Variants in KCNN2 observed in about 807,000 individuals in gnomAD.
KCNN2 encodes the protein potassium calcium-activated channel subfamily N member 2.
In KCNN2, 24 loss-of-function variants were observed where a neutral mutation model predicts 55.5. The observed-to-expected ratio is 0.43, with a 90% CI of 0.31 to 0.61. The LOEUF is 0.61. Among genes scored for constraint, KCNN2 ranks in the 20% least tolerant of loss-of-function variants. KCNN2 has a pLI of 0.08. For missense variants in KCNN2, 754 were observed against 853.6 expected (o/e 0.88, Z 1.45); for synonymous variants, 431 against 336.1 (o/e 1.28, Z -3.09).
chr5:114,243,543 A>T (rs942800167), intron 2 of KCNN2, among the ~76,000 whole-genome samples: 9 of 152,128 alleles, frequency 5.9e-5, no homozygotes, highest in African/African-American at 2.2e-4. Flanking sequence ...CAGTTATCAG[A>T]TTAACTGTCA....
intron 3 of KCNN2, among the ~76,000 whole-genome samples, chr5:114,437,261 T>C (rs1760040868): frequency 6.6e-6 from 1 of 151,862 alleles, no homozygotes; most frequent in African/African-American, 2.4e-5. Context: ...CCCAGAACAA[T>C]GGAACAGCAG....
chr5:114,166,092 G>C (rs113860551), intron 1 of KCNN2, among the ~76,000 whole-genome samples: 1 of 151,774 alleles, frequency 6.6e-6, no homozygotes, highest in Non-Finnish European at 1.5e-5. Context: ...GGGTTTCACC[G>C]TGTTAGTTAG....
At chr5:114,265,241 A>T (rs1441911148) in intron 2 of KCNN2, among the ~76,000 whole-genome samples, 3 of 151,984 alleles carry the variant, frequency 2.0e-5, no homozygotes, top group East Asian at 1.9e-4. Context: ...AAATTGTCAT[A>T]TGTAGAAAAT....
At chr5:114,296,037 A>C (rs556876637) in intron 2 of KCNN2, among the ~76,000 whole-genome samples, 1 of 152,302 alleles carries the variant, frequency 6.6e-6, no homozygotes, top group African/African-American at 2.4e-5. Context: ...AACAAAAATA[A>C]AGATGTGATT....
chr5:114,348,357 G>C (rs1314392695), intron 2 of KCNN2, among the ~76,000 whole-genome samples: 1 of 151,716 alleles, frequency 6.6e-6, no homozygotes, highest in Non-Finnish European at 1.5e-5. Flanking sequence ...CACCAGCATG[G>C]CACATGTATA....
At chr5:114,399,681 TCTTA>T (rs1241540470) in intron 2 of KCNN2, among the ~76,000 whole-genome samples, 2 of 152,304 alleles carry the variant, frequency 1.3e-5, no homozygotes, top group African/African-American at 4.8e-5. Context: ...TGGTATCAGC[TCTTA>T]CTTATATTAA....
At chr5:114,309,462 T>G (rs1223454380) in intron 2 of KCNN2, among the ~76,000 whole-genome samples, 1 of 152,174 alleles carries the variant, frequency 6.6e-6, no homozygotes, top group Non-Finnish European at 1.5e-5. Flanking sequence ...TGAGTCCAAA[T>G]TGCTTTGTGT....
At chr5:114,387,680 T>G (rs968753187) in intron 2 of KCNN2, among the ~76,000 whole-genome samples, 1 of 152,224 alleles carries the variant, frequency 6.6e-6, no homozygotes, top group Non-Finnish European at 1.5e-5. Context: ...AGCTTCTTCA[T>G]TGGTTTCAGC....
intron 1 of KCNN2, among the ~76,000 whole-genome samples, chr5:114,085,295 G>A (rs1296319710): frequency 4.6e-5 from 7 of 151,836 alleles, no homozygotes; most frequent in Non-Finnish European, 1.0e-4. Context: ...TTGAATCTAT[G>A]GGGCAAGTTG....
intron 2 of KCNN2, among the ~76,000 whole-genome samples, chr5:114,299,733 T>G (rs1756113014): frequency 6.6e-6 from 1 of 152,178 alleles, no homozygotes; most frequent in African/African-American, 2.4e-5. Flanking sequence ...TGTAATCTGT[T>G]GCAACTTCAG....
intron 1 of KCNN2, among the ~76,000 whole-genome samples, chr5:114,101,763 C>G (rs544781972): frequency 1.3e-5 from 2 of 152,246 alleles, no homozygotes; most frequent in Admixed American, 6.5e-5. Flanking sequence ...AAAACATGAA[C>G]TCATCCTTTT....
chr5:114,370,962 C>G (rs1455843368), intron 2 of KCNN2, among the ~76,000 whole-genome samples: 2 of 107,820 alleles, frequency 1.9e-5, no homozygotes, highest in Non-Finnish European at 3.7e-5. Context: ...TGTTGGCAAG[C>G]TGATTCATAG....
chr5:114,126,846 A>G (rs1751943845), intron 1 of KCNN2, among the ~76,000 whole-genome samples: 1 of 152,166 alleles, frequency 6.6e-6, no homozygotes, highest in African/African-American at 2.4e-5. Context: ...ATGGGGGTAC[A>G]GGCATTGAGT....
At chr5:114,377,285 A>G (rs1171819324) in intron 2 of KCNN2, among the ~76,000 whole-genome samples, 1 of 152,106 alleles carries the variant, frequency 6.6e-6, no homozygotes, top group Non-Finnish European at 1.5e-5. Context: ...TGAGAATACC[A>G]GCCACGTCAG....
chr5:114,120,164 A>G (rs1241413093), intron 1 of KCNN2, among the ~76,000 whole-genome samples: 1 of 152,198 alleles, frequency 6.6e-6, no homozygotes, highest in African/African-American at 2.4e-5. Context: ...CTGAGGTTTC[A>G]TTAAATTATA....
At chr5:114,334,906 C>T (rs902283197) in intron 2 of KCNN2, among the ~76,000 whole-genome samples, 4 of 152,112 alleles carry the variant, frequency 2.6e-5, no homozygotes, top group Admixed American at 6.5e-5. Context: ...GGTGATTCCA[C>T]TTGTGCCACT....
At chr5:114,493,283 A>T in intron 6 of KCNN2, 120 bp from the exon 7 acceptor site, 1 of 763,978 alleles carries the variant, frequency 1.3e-6, no homozygotes, top group Non-Finnish European at 2.4e-6. Context: ...CTTACCCCAA[A>T]TGTTCAAGGC....
At chr5:114,159,952 C>A (rs1402744145) in intron 1 of KCNN2, among the ~76,000 whole-genome samples, 4 of 152,090 alleles carry the variant, frequency 2.6e-5, no homozygotes, top group African/African-American at 9.7e-5. Flanking sequence ...TTCAAAAAAC[C>A]AGCTCCTGGA....
At chr5:114,265,689 A>T (rs1456314985) in intron 2 of KCNN2, among the ~76,000 whole-genome samples, 1 of 152,188 alleles carries the variant, frequency 6.6e-6, no homozygotes, top group Non-Finnish European at 1.5e-5. Flanking sequence ...TTCAAATGCT[A>T]ATCTTATCCC....
Sources: allele counts gnomAD v4.1 joint callset (sites outside exome capture counted in the v4.1 genomes callset), GRCh38; gene constraint gnomAD v4.1.1; transcripts MANE v1.5; gene names NCBI Gene and HGNC (gene_info 2026-07-23, HGNC 2026-07-21).